GPR35: variants seen among roughly 807,000 people sequenced by gnomAD.
The protein encoded by GPR35 is G protein-coupled receptor 35.
For synonymous variants in GPR35, 207 were observed against 198.4 expected (o/e 1.04, Z -0.36); for missense variants, 372 against 422.5 (o/e 0.88, Z 1.05).
At chr2:240,612,546 A>G (rs957192100) in intron 2 of GPR35, among the ~76,000 whole-genome samples, 7 of 151,940 alleles carry the variant, frequency 4.6e-5, no homozygotes, top group Admixed American at 4.6e-4. Context: ...TGGGAGTCCA[A>G]AGGGCTCTCA....
chr2:240,610,523 C>T (rs1699053321), intron 2 of GPR35, among the ~76,000 whole-genome samples: 1 of 152,152 alleles, frequency 6.6e-6, no homozygotes, highest in African/African-American at 2.4e-5. Flanking sequence ...TACAGTGGTA[C>T]CATCAGGGCT....
chr2:240,630,654 C>T lies in GPR35; in HGVS notation c.702C>T (p.His234=), dbSNP rs753537893. The T allele has an allele frequency of 3.4e-5, 55 of 1,613,084 alleles. No homozygotes were observed. Among genetic ancestry groups the T allele is most frequent in the South Asian group, 4.4e-5 (4 of 91,094 alleles). Residue 234 remains histidine, a synonymous_variant, in exon 2 of 2, where the codon CAC becomes CAT. Transcript: ENST00000407714. ...TCGTGGTCTGCTTCCTGCCCCTGCA[C>T]GTGGGGCTGACAGTGCGCCTCGCAG... ...LVFVVCFLPL[H]VGLTVRLAVG...
rs2043434411 is a variant in GPR35 at position 240,630,658 on chromosome 2, G to A, written c.706G>A (p.Gly236Arg). 2 of 1,613,098 alleles carry A rather than the reference G, an allele frequency of 1.2e-6. No homozygotes were observed. Among genetic ancestry groups the A allele is most frequent in the Non-Finnish European group, 8.5e-7 (1 of 1,180,032 alleles). The change falls in exon 2 of 2, where the codon GGG (glycine) becomes AGG (arginine). Residue 236 changes from glycine to arginine, a missense_variant. Transcript: ENST00000407714. ...FVVCFLPLHVGLTVRLAVGWN... is the reference protein window; with the variant it reads ...FVVCFLPLHVRLTVRLAVGWN... ...GGTCTGCTTCCTGCCCCTGCACGTG[G>A]GGCTGACAGTGCGCCTCGCAGTGGG...
rs1356096864 is a variant in GPR35 at position 240,630,157 on chromosome 2, C to A, written c.205C>A (p.Leu69Met). Residue 69 changes from leucine to methionine, a missense_variant, in exon 2 of 2, where the codon CTG (leucine) becomes ATG (methionine). Coordinates refer to ENST00000407714, the MANE Select transcript of GPR35 (RefSeq NM_005301.5). ...CAACCTGGCGGTGGCCGACCTCTGC[C>A]TGCTGTGCACCTTGCCCTTCGTGCT... ...MTNLAVADLC[L>M]LCTLPFVLHS... is the part of the protein sequence containing the mutation. 1.9e-6 allele frequency: 3 copies of A among 1,597,036 alleles called. No individual in the cohort carries two copies. Among genetic ancestry groups the A allele is most frequent in the Non-Finnish European group, 2.6e-6 (3 of 1,175,088 alleles).
intron 2 of GPR35, among the ~76,000 whole-genome samples, chr2:240,615,800 T>A (rs918397110): frequency 4.6e-5 from 7 of 152,364 alleles, no homozygotes; most frequent in African/African-American, 1.7e-4. Flanking sequence ...CTTCTACAAT[T>A]TTTTAGAGAA....
intron 5 of GPR35, among the ~76,000 whole-genome samples, chr2:240,619,198 G>C (rs1484034194): frequency 6.6e-6 from 1 of 152,226 alleles, no homozygotes; most frequent in African/African-American, 2.4e-5. Flanking sequence ...CAGACTCTTG[G>C]ATTTTGACCT....
exon 3 of GPR35, chr2:240,616,429 A>C (rs1207595283): frequency 1.3e-6 from 1 of 780,412 alleles, no homozygotes; most frequent in South Asian, 1.3e-5. Flanking sequence ...GGACTTGCAA[A>C]GTCCAGCCTG....
At chr2:240,608,849 A>C (rs1353271075) in intron 2 of GPR35, among the ~76,000 whole-genome samples, 1 of 152,210 alleles carries the variant, frequency 6.6e-6, no homozygotes, top group African/African-American at 2.4e-5. Context: ...CAGTAACACC[A>C]TCTGGGTGAG....
At position 240,630,002 on chromosome 2, in the gene GPR35, C is replaced by G; in HGVS notation, c.50C>G (p.Pro17Arg). The stretch of plus-strand genomic sequence containing the variant: ...GGCTCCAGCGACCTCACCTGGCCCC[C>G]AGCGATCAAGCTGGGCTTCTACGCC... The part of the protein sequence containing the change: ...TCGSSDLTWP[P>R]AIKLGFYAYL... Residue 17 changes from proline (P) to arginine (R), a missense_variant, in exon 2 of 2, where the codon CCA (proline) becomes CGA (arginine). Transcript: ENST00000407714. The G allele has an allele frequency of 1.2e-6, 2 of 1,611,772 alleles. No individual in the cohort carries two copies. The highest frequency in any genetic ancestry group is 1.7e-6 in the Non-Finnish European group (2 of 1,178,892).
chr2:240,618,545 G>A (rs1297202993), intron 4 of GPR35, among the ~76,000 whole-genome samples: 1 of 152,124 alleles, frequency 6.6e-6, no homozygotes, highest in Admixed American at 6.5e-5. Flanking sequence ...GTTTCATTTT[G>A]CTTTCAATTT....
upstream of GPR35, among the ~76,000 whole-genome samples, chr2:240,623,585 G>A (rs2043333667): frequency 6.6e-6 from 1 of 152,138 alleles, no homozygotes; most frequent in Non-Finnish European, 1.5e-5. Flanking sequence ...GCGCTCTGGA[G>A]GGGCCCGGGC....
rs919524342 is a variant in GPR35, at chr2:240,632,719, A to C, written c.*1837A>C. On this transcript the variant is annotated 3_prime_UTR_variant, in exon 2 of 2. Coordinates refer to ENST00000407714, the MANE Select transcript of GPR35 (RefSeq NM_005301.5). The stretch of plus-strand genomic sequence containing the variant: ...GAGATCCTCATGCCCAGGAAGGCCC[A>C]TGCCCAGGAGGGTCCATGCCCAGGC... Among the ~76,000 whole-genome samples the C allele has an allele frequency of 1.3e-5, 2 of 150,912 alleles. No homozygotes were observed. The highest frequency in any genetic ancestry group is 3.0e-5 in the Non-Finnish European group (2 of 67,722).
At position 240,632,728 on chromosome 2, in the gene GPR35, A is replaced by G. The variant is rs751377789; in HGVS notation, c.*1846A>G. ...ATGCCCAGGAAGGCCCATGCCCAGG[A>G]GGGTCCATGCCCAGGCCAGTTCATG... On this transcript the variant is annotated 3_prime_UTR_variant, in exon 2 of 2. Transcript: ENST00000407714. Among the ~76,000 whole-genome samples the G allele has an allele frequency of 1.1e-4, 17 of 151,542 alleles. No individual in the cohort carries two copies. Among genetic ancestry groups the G allele is most frequent in the Non-Finnish European group, 2.1e-4 (14 of 67,912 alleles).
rs371216594 is a variant in GPR35 at position 240,630,357 on chromosome 2, C to T, written c.405C>T (p.Ala135=). ...TGCGGTCCCCCAGGCAGGCTGCGGCCGTGTGCGCGGTCCTCTGGGTGCTGG... is the reference window on the plus strand; with the variant it reads ...TGCGGTCCCCCAGGCAGGCTGCGGCTGTGTGCGCGGTCCTCTGGGTGCTGG... ...RGLRSPRQAA[A]VCAVLWVLVI... is the part of the protein sequence containing the mutation. The change falls in exon 2 of 2, where the codon GCC becomes GCT. Residue 135 remains alanine, a synonymous_variant. Coordinates refer to ENST00000407714, the MANE Select transcript of GPR35 (RefSeq NM_005301.5). 111 of 1,605,860 alleles carry T rather than the reference C, an allele frequency of 6.9e-5. No homozygotes were observed. The South Asian group carries it at 9.2e-4, about 13-fold the overall frequency.
chr2:240,622,607 G>A (rs569188953), upstream of GPR35, among the ~76,000 whole-genome samples: 8 of 152,372 alleles, frequency 5.3e-5, no homozygotes, highest in South Asian at 6.2e-4. Flanking sequence ...TTCAAAGCCC[G>A]CAGCCCGAGT....
At chr2:240,623,184 C>T (rs1357950975), upstream of GPR35, among the ~76,000 whole-genome samples, 2 of 152,170 alleles carry the variant, frequency 1.3e-5, no homozygotes, top group Non-Finnish European at 2.9e-5. Context: ...TGTGCCAGGG[C>T]CCCGACAGGG....
At chr2:240,608,463 T>G (rs1014896990) in intron 2 of GPR35, among the ~76,000 whole-genome samples, 1 of 152,234 alleles carries the variant, frequency 6.6e-6, no homozygotes, top group African/African-American at 2.4e-5. Context: ...TTGCCGAGAG[T>G]TTCTATTATT....
chr2:240,610,452 AT>A (rs2043172605), intron 2 of GPR35, among the ~76,000 whole-genome samples: 1 of 152,014 alleles, frequency 6.6e-6, no homozygotes, highest in African/African-American at 2.4e-5. Context: ...CAGACAGCAT[AT>A]TGTCATTTCT....
chr2:240,625,915 ATGGGGTCTCAGAG>A (rs2043368615), intron 1 of GPR35, among the ~76,000 whole-genome samples: 1 of 120,208 alleles, frequency 8.3e-6, no homozygotes, highest in Admixed American at 9.2e-5. Context: ...TGAGGCTCTG[ATGGGGTCTCAGAG>A]TGGGGTGAGG....
Sources: gnomAD v4.1 joint callset for allele counts (sites outside exome capture counted in the v4.1 genomes callset) on GRCh38, gnomAD v4.1.1 for gene constraint, MANE v1.5 for transcripts, NCBI Gene and HGNC (gene_info 2026-07-23, HGNC 2026-07-21) for gene names.